COL13A1: variants seen among roughly 807,000 people sequenced by gnomAD.
COL13A1 encodes the protein collagen alpha-1(XIII) chain.
A neutral mutation model predicts 130.9 loss-of-function variants in COL13A1; 89 were observed. The ratio of observed to expected loss-of-function variants is 0.68; its 90% CI spans 0.57 to 0.81. The LOEUF (loss-of-function observed/expected upper bound fraction) is 0.81, where lower values mean the gene tolerates loss of function less well. Among genes scored for constraint, COL13A1 ranks in the 30% least tolerant of loss-of-function variants. The pLI is 0.00. For missense variants in COL13A1, 879 were observed against 934.6 expected (o/e 0.94, Z 0.78); for synonymous variants, 402 against 341.6 (o/e 1.18, Z -1.95).
chr10:69,918,956 C>A, intron 19 of COL13A1, 106 bp from the exon 20 acceptor site: 21 of 1,362,442 alleles, frequency 1.5e-5, no homozygotes, highest in Admixed American at 6.8e-5. Flanking sequence ...AGATGTTTCA[C>A]TAACCCCACC....
In COL13A1 at chr10:69,902,791, CA is replaced by C; in HGVS notation, c.795del (p.Gly266AlafsTer67). 6.4e-7 allele frequency: 1 copy of C among 1,555,078 alleles called. No individual in the cohort carries two copies. Among genetic ancestry groups the C allele is most frequent in the Non-Finnish European group, 8.7e-7 (1 of 1,149,062 alleles). On this transcript the variant is annotated frameshift_variant, in exon 15 of 41. Coordinates refer to ENST00000645393, the MANE Select transcript of COL13A1 (RefSeq NM_001368882.1). LOFTEE classifies it high-confidence loss of function. Reference protein sequence around the residue: ...QASIQGPPGPPGPPGPSGPLG... With the variant: ...QASIQGPPGPXGPPGPSGPLG... ...AGCATCCAAGGTCCACCAGGGCCCC[CA>C]GGCCCCCCTGGACCAAGTGGACCTC...
At chr10:69,842,311 C>T (rs1216904069) in intron 2 of COL13A1, among the ~76,000 whole-genome samples, 1 of 152,180 alleles carries the variant, frequency 6.6e-6, no homozygotes, top group Non-Finnish European at 1.5e-5. Flanking sequence ...TGGGGCCTCC[C>T]CAACCATTTA....
At chr10:69,818,847 T>C (rs977297880) in intron 1 of COL13A1, among the ~76,000 whole-genome samples, 9 of 152,378 alleles carry the variant, frequency 5.9e-5, no homozygotes, top group Non-Finnish European at 1.3e-4. Flanking sequence ...TGTTCTTTCC[T>C]GAGTCTACTA....
intron 10 of COL13A1, 77 bp from the exon 11 acceptor site, chr10:69,894,474 CA>C (rs1325914417): frequency 6.4e-7 from 1 of 1,562,654 alleles, no homozygotes; most frequent in Non-Finnish European, 8.8e-7. Context: ...GATTCAGCCC[CA>C]ATCCCCACCC....
At chr10:69,891,062 C>T (rs571814203) in intron 10 of COL13A1, among the ~76,000 whole-genome samples, 1 of 152,258 alleles carries the variant, frequency 6.6e-6, no homozygotes, top group South Asian at 2.1e-4. Context: ...TATGGAGTAT[C>T]TAAAATGTGC....
intron 37 of COL13A1, among the ~76,000 whole-genome samples, chr10:69,946,295 A>C (rs1356126560): frequency 6.6e-6 from 1 of 152,212 alleles, no homozygotes; most frequent in African/African-American, 2.4e-5. Flanking sequence ...TGTTAAGTGC[A>C]GCCTGCCCTC....
intron 1 of COL13A1, 42 bp from the exon 2 acceptor site, chr10:69,822,327 T>A (rs1374381526): frequency 6.7e-7 from 1 of 1,498,822 alleles, no homozygotes; most frequent in Admixed American, 2.2e-5. Context: ...GCTTGGTGTC[T>A]ACGAGCTCCT....
At chr10:69,836,893 G>T (rs1361044645) in intron 2 of COL13A1, among the ~76,000 whole-genome samples, 12 of 151,946 alleles carry the variant, frequency 7.9e-5, no homozygotes, top group African/African-American at 2.9e-4. Context: ...GGGGGTATAA[G>T]TGGATGCCAG....
At chr10:69,811,593 T>C (rs1216284708) in intron 1 of COL13A1, among the ~76,000 whole-genome samples, 2 of 152,102 alleles carry the variant, frequency 1.3e-5, no homozygotes, top group Admixed American at 6.5e-5. Context: ...TCCGGACACC[T>C]CCAGCCTCAC....
At chr10:69,862,509 G>C (rs1037125960) in intron 2 of COL13A1, among the ~76,000 whole-genome samples, 8 of 152,188 alleles carry the variant, frequency 5.3e-5, no homozygotes, top group Non-Finnish European at 1.2e-4. Flanking sequence ...AGAAGACACA[G>C]GCTGCCTTAA....
chr10:69,867,414 A>G lies in COL13A1; in HGVS notation c.365-384A>G, dbSNP rs1211156866. 2.6e-5 allele frequency among the ~76,000 whole-genome samples: 4 copies of G among 152,122 alleles called. 1 individual carries two copies. In the South Asian group the frequency reaches 8.3e-4, roughly 32 times the overall value. ...TGCTAACGGTCCTCATCTCTACGGGATCTGTTATTTCCGCCTTTCTCAGTG... is the reference window on the plus strand; with the variant it reads ...TGCTAACGGTCCTCATCTCTACGGGGTCTGTTATTTCCGCCTTTCTCAGTG... On this transcript the variant is annotated intron_variant, in intron 2 of 40. Transcript: ENST00000645393.
At chr10:69,878,637 AC>A (rs2059848172) in intron 6 of COL13A1, among the ~76,000 whole-genome samples, 1 of 152,178 alleles carries the variant, frequency 6.6e-6, no homozygotes, top group Non-Finnish European at 1.5e-5. Flanking sequence ...CTGTGCCACC[AC>A]ACCCAGCTAA....
At position 69,895,551 on chromosome 10, in the gene COL13A1, G is replaced by T. The variant is rs1328795792; in HGVS notation, c.659G>T (p.Gly220Val). Residue 220 changes from glycine to valine, a missense_variant and splice_region_variant, in exon 13 of 41, where the codon GGT becomes GTT. Gly to Val is a moderately radical substitution (Grantham distance 109, BLOSUM62 -3). This residue lies in a region of COL13A1 where 715 missense variants were observed against 721.0 expected (regional missense o/e 0.99). Coordinates refer to ENST00000645393, the MANE Select transcript of COL13A1 (RefSeq NM_001368882.1). ...CTTTCCCTTCCCTCTCCTTCCCAGG[G>T]TCAGTGTGGAGAGTACCCACACCGG... ...PGPQGQKGEK[G>V]QCGEYPHRLL... is the part of the protein sequence containing the mutation. 2 of 1,613,952 alleles carry T rather than the reference G, an allele frequency of 1.2e-6. No individual in the cohort carries two copies. The highest frequency in any genetic ancestry group is 8.5e-7 in the Non-Finnish European group (1 of 1,179,878).
Position 69,830,644 on chromosome 10 carries a change from C to A in COL13A1, c.364+8206C>A, listed in dbSNP as rs563015179. Among the ~76,000 whole-genome samples, 4 of 152,272 alleles carry A rather than the reference C, an allele frequency of 2.6e-5. No individual in the cohort carries two copies. In the East Asian group the frequency reaches 5.8e-4, roughly 22 times the overall value. On this transcript the variant is annotated intron_variant, in intron 2 of 40. Transcript: ENST00000645393. ...GCAGGGAGGAGGGACTGGGTAGAGA[C>A]TGGGGTGCTTAGGGAGGTTCAGCTA...
chr10:69,910,236 T>C (rs1410418577), intron 17 of COL13A1, among the ~76,000 whole-genome samples: 1 of 151,976 alleles, frequency 6.6e-6, no homozygotes, highest in Non-Finnish European at 1.5e-5. Flanking sequence ...AAGGGTGGCT[T>C]GGTCTCAGGG....
rs368175280 is a variant in COL13A1 at position 69,930,308 on chromosome 10, G to C, written c.1531-92G>C. 2.4e-5 allele frequency: 31 copies of C among 1,273,652 alleles called. No individual in the cohort carries two copies. The African/African-American group carries it at 3.6e-4, about 15-fold the overall frequency. The allele number at this position is 1,273,652 out of a possible 1,614,324, so 78.9% of individuals were successfully genotyped here. On this transcript the variant is annotated intron_variant, in intron 29 of 40. Transcript: ENST00000645393. ...CTGCCTGCCCCAGACAAGCACCAAA[G>C]AGCCAAGGCCTTTGGACTTTTCTAC...
intron 34 of COL13A1, among the ~76,000 whole-genome samples, chr10:69,939,937 G>A (rs72805190): frequency 0.022 from 3,308 of 152,204 alleles, 71 homozygotes; most frequent in Non-Finnish European, 0.036. Context: ...CTCCTTCTTG[G>A]GACTTCCTTT....
At chr10:69,852,787 C>A (rs1293617670) in intron 2 of COL13A1, among the ~76,000 whole-genome samples, 1 of 152,224 alleles carries the variant, frequency 6.6e-6, no homozygotes, top group Non-Finnish European at 1.5e-5. Context: ...GAGGAATGGA[C>A]CTCGCTGGGC....
At chr10:69,918,251 T>C (rs1158118894) in intron 18 of COL13A1, 34 bp from the exon 19 acceptor site, 4 of 1,608,676 alleles carry the variant, frequency 2.5e-6, no homozygotes, top group Non-Finnish European at 2.5e-6. Context: ...CGCTGCAGAA[T>C]GTCTTCAGAC....
Sources: allele counts gnomAD v4.1 joint callset (sites outside exome capture counted in the v4.1 genomes callset), GRCh38; gene constraint gnomAD v4.1.1; regional missense constraint gnomAD v4.1.1; transcripts MANE v1.5; gene names NCBI Gene and HGNC (gene_info 2026-07-23, HGNC 2026-07-21).